Variants in AK8 observed in about 807,000 individuals in gnomAD.
AK8 encodes ATP-AMP transphosphorylase 8.
A neutral mutation model predicts 54.6 loss-of-function variants in AK8; 44 were observed. That is an observed-to-expected ratio of 0.81 (90% CI 0.63 to 1.04). AK8 has a LOEUF of 1.04. Ranked by LOEUF, AK8 falls within the 50% of genes least tolerant of loss-of-function variation. AK8 has a pLI of 0.00. For synonymous variants in AK8, 239 were observed against 245.6 expected, an observed-to-expected ratio of 0.97 and a Z score of 0.25; for missense variants, 555 against 613.6, an observed-to-expected ratio of 0.90 and a Z score of 1.01.
At chr9:132,872,197 G>A (rs925932829) in intron 2 of AK8, among the ~76,000 whole-genome samples, 4 of 151,892 alleles carry the variant, frequency 2.6e-5, no homozygotes, top group African/African-American at 4.8e-5. Flanking sequence ...TTAGCCAGGC[G>A]CAGTAGCATG....
intron 11 of AK8, among the ~76,000 whole-genome samples, chr9:132,731,302 T>TG (rs2130940019): frequency 6.6e-6 from 1 of 152,208 alleles, no homozygotes; most frequent in South Asian, 2.1e-4. Context: ...TGACAATAGG[T>TG]GGACTTGTGG....
chr9:132,794,586 G>A (rs1840075899), intron 10 of AK8, among the ~76,000 whole-genome samples: 1 of 152,112 alleles, frequency 6.6e-6, no homozygotes, highest in Non-Finnish European at 1.5e-5. Context: ...TTTCTTTAAT[G>A]TCTGCGTCTC....
intron 5 of AK8, among the ~76,000 whole-genome samples, chr9:132,845,907 A>C (rs901970481): frequency 2.6e-5 from 4 of 151,850 alleles, no homozygotes; most frequent in African/African-American, 9.7e-5. Flanking sequence ...AATTTTTTAA[A>C]AATCACGGAA....
chr9:132,789,848 C>T (rs781489014), intron 11 of AK8, among the ~76,000 whole-genome samples: 25 of 152,198 alleles, frequency 1.6e-4, no homozygotes, highest in Non-Finnish European at 3.1e-4. Flanking sequence ...CTGACTTCCT[C>T]TTCTGCCCTC....
chr9:132,876,683 T>C (rs1174587309), intron 1 of AK8, among the ~76,000 whole-genome samples: 3 of 152,208 alleles, frequency 2.0e-5, no homozygotes, highest in African/African-American at 4.8e-5. Flanking sequence ...CAGAAATCCA[T>C]ACTATTTTTT....
intron 2 of AK8, among the ~76,000 whole-genome samples, chr9:132,869,785 G>C (rs941396061): frequency 6.6e-6 from 1 of 152,242 alleles, no homozygotes; most frequent in Non-Finnish European, 1.5e-5. Flanking sequence ...GGGAGCCAGA[G>C]TGCCATGGGA....
rs1164208906 is a variant in AK8, at chr9:132,823,238, C to A, written c.856G>T (p.Ala286Ser). The change falls in exon 9 of 13, where the codon GCC (alanine) becomes TCC (serine). Residue 286 changes from alanine to serine, a missense_variant. By Grantham distance (99) the Ala-to-Ser change is moderately conservative (BLOSUM62 1). Coordinates refer to ENST00000298545, the MANE Select transcript of AK8 (RefSeq NM_152572.3). ...PVGSGKSLQA[A>S]LLAQKYRLVN... ...AGCCTGTATTTCTGGGCCAGGAGGGCGGCCTGCAGACTTTTCCCACTGCCC... is the reference window on the plus strand; with the variant it reads ...AGCCTGTATTTCTGGGCCAGGAGGGAGGCCTGCAGACTTTTCCCACTGCCC... 3 of 1,599,876 alleles carry A rather than the reference C, an allele frequency of 1.9e-6. No homozygotes were observed. The highest frequency in any genetic ancestry group is 2.7e-5 in the African/African-American group (2 of 74,386).
chr9:132,845,227 A>C (rs1324752867), intron 5 of AK8, among the ~76,000 whole-genome samples: 16 of 152,232 alleles, frequency 1.1e-4, no homozygotes. Context: ...AAATAATCAT[A>C]ATAATAACAC....
chr9:132,764,453 C>T (rs1336188955), intron 11 of AK8, among the ~76,000 whole-genome samples: 1 of 151,886 alleles, frequency 6.6e-6, no homozygotes, highest in Non-Finnish European at 1.5e-5. Flanking sequence ...ACAGAAAAGA[C>T]CCAAATAAAT....
Position 132,826,989 on chromosome 9 carries a change from C to T in AK8, c.622G>A (p.Glu208Lys), listed in dbSNP as rs765380485. The T allele has an allele frequency of 6.2e-7, 1 of 1,614,270 alleles. No individual in the cohort carries two copies. The highest frequency in any genetic ancestry group is 1.7e-5 in the Admixed American group (1 of 60,034). Residue 208 changes from glutamate (E) to lysine (K), a missense_variant, in exon 8 of 13, where the codon GAG (glutamate) becomes AAG (lysine). Glu to Lys is a moderately conservative substitution (Grantham distance 56). Transcript: ENST00000298545. The surrounding 1 kb of genome is among the most constrained non-coding windows in gnomAD (Gnocchi z 4.5). The part of the protein sequence containing the change: ...SEIQNRLMVP[E>K]DISELETAQK... ...GCCGTCTCCAGCTCTGAGATGTCCTCTGGCACCATGAGACGGTTCTGGATT... is the reference window on the plus strand; with the variant it reads ...GCCGTCTCCAGCTCTGAGATGTCCTTTGGCACCATGAGACGGTTCTGGATT...
chr9:132,767,832 T>C (rs1003055346), intron 11 of AK8, among the ~76,000 whole-genome samples: 26 of 152,196 alleles, frequency 1.7e-4, no homozygotes, highest in Non-Finnish European at 7.3e-5. Flanking sequence ...GAGGTCATTA[T>C]GGTAAGTGAA....
intron 11 of AK8, among the ~76,000 whole-genome samples, chr9:132,782,477 G>A (rs1244769061): frequency 6.6e-6 from 1 of 152,164 alleles, no homozygotes; most frequent in Non-Finnish European, 1.5e-5. Context: ...ATCACCTGAG[G>A]TCAGGAGTTT....
rs1293446333 is a variant in AK8 at position 132,799,915 on chromosome 9, T to G, written c.980-7140A>C. 6.6e-6 allele frequency among the ~76,000 whole-genome samples: 1 copy of G among 152,010 alleles called. No homozygotes were observed. The highest frequency in any genetic ancestry group is 1.5e-5 in the Non-Finnish European group (1 of 67,984). ...CTCCTGTGGTCCCTGGGTCCCTGGGTCCCGCCCCTCCTGAAGGATCCCAAT... is the reference window on the plus strand; with the variant it reads ...CTCCTGTGGTCCCTGGGTCCCTGGGGCCCGCCCCTCCTGAAGGATCCCAAT... On this transcript the variant is annotated intron_variant, in intron 10 of 12. Transcript: ENST00000298545. The surrounding 1 kb of genome is among the most constrained non-coding windows in gnomAD (Gnocchi z 5.0).
In AK8 at chr9:132,828,097, G is replaced by A. The variant is rs1841950415; in HGVS notation, c.485-13C>T. The A allele has an allele frequency of 6.4e-7, 1 of 1,564,678 alleles. No homozygotes were observed. The highest frequency in any genetic ancestry group is 8.7e-7 in the Non-Finnish European group (1 of 1,153,590). ...GCACTCAGCACAACTGGGCAGAGAA[G>A]AAAAGGAGCAAAACCAGGCATGTCG... On this transcript the variant is annotated splice_polypyrimidine_tract_variant and intron_variant, in intron 6 of 12. Coordinates refer to ENST00000298545, the MANE Select transcript of AK8 (RefSeq NM_152572.3).
chr9:132,805,721 C>G (rs1327489446), intron 10 of AK8, among the ~76,000 whole-genome samples: 1 of 152,092 alleles, frequency 6.6e-6, no homozygotes, highest in Non-Finnish European at 1.5e-5. Flanking sequence ...CATTCCTAGG[C>G]CCTCCAGCCC....
At chr9:132,780,214 AG>A (rs1839402044) in intron 11 of AK8, among the ~76,000 whole-genome samples, 1 of 152,194 alleles carries the variant, frequency 6.6e-6, no homozygotes, top group African/African-American at 2.4e-5. Context: ...AAAAGCAGAG[AG>A]GAAGTTGAGA....
chr9:132,877,048 A>C (rs1844139691), intron 1 of AK8, among the ~76,000 whole-genome samples: 1 of 152,224 alleles, frequency 6.6e-6, no homozygotes, highest in African/African-American at 2.4e-5. Flanking sequence ...CCTGGGCAGC[A>C]GTGCAAGACC....
chr9:132,803,238 G>A lies in AK8; in HGVS notation c.980-10463C>T, dbSNP rs1360022471. Among the ~76,000 whole-genome samples the A allele has an allele frequency of 1.3e-5, 2 of 152,176 alleles. No individual in the cohort carries two copies. Among genetic ancestry groups the A allele is most frequent in the Admixed American group, 1.3e-4 (2 of 15,276 alleles). ...ACACGTGAGGATTATGGGAACTACA[G>A]TTCAAGATGAGATTTGGGTGGGGAC... On this transcript the variant is annotated intron_variant, in intron 10 of 12. Coordinates refer to ENST00000298545, the MANE Select transcript of AK8 (RefSeq NM_152572.3). This position sits in a 1 kb window ranked among gnomAD's most constrained non-coding sequence, Gnocchi z 4.4.
intron 11 of AK8, among the ~76,000 whole-genome samples, chr9:132,786,381 G>A (rs530439005): frequency 4.4e-4 from 67 of 152,158 alleles, no homozygotes; most frequent in Middle Eastern, 3.2e-3. Context: ...TGAGTCTATG[G>A]TAAACACAGG....
Sources: allele counts gnomAD v4.1 joint callset (sites outside exome capture counted in the v4.1 genomes callset), GRCh38; gene constraint gnomAD v4.1.1; non-coding constraint Gnocchi (gnomAD v3.1); transcripts MANE v1.5; gene names NCBI Gene and HGNC (gene_info 2026-07-23, HGNC 2026-07-21).